TTC27: variants seen among roughly 807,000 people sequenced by gnomAD.
TTC27 encodes the protein tetratricopeptide repeat protein 27.
Under a neutral mutation model 115.9 loss-of-function variants are expected in TTC27, and 79 were observed. That is an observed-to-expected ratio of 0.68 (90% CI 0.57 to 0.82). The LOEUF (loss-of-function observed/expected upper bound fraction) is 0.82. Ranked by LOEUF, TTC27 falls within the 40% of genes least tolerant of loss-of-function variation. The pLI, the probability that TTC27 is intolerant of heterozygous loss-of-function variation, is 0.00. For missense variants in TTC27, 1,054 were observed against 993.1 expected, an observed-to-expected ratio of 1.06 and a Z score of -0.82; for synonymous variants, 401 against 356.0, an observed-to-expected ratio of 1.13 and a Z score of -1.42.
At chr2:32,818,146 T>C (rs1671568547) in intron 19 of TTC27, among the ~76,000 whole-genome samples, 1 of 152,186 alleles carries the variant, frequency 6.6e-6, no homozygotes, top group Admixed American at 6.5e-5. Flanking sequence ...CTCTTGTATT[T>C]ATTGTCATTT....
Position 32,666,518 on chromosome 2 carries a change from A to T in TTC27, c.806-117A>T, listed in dbSNP as rs989467641. On this transcript the variant is annotated intron_variant, in intron 6 of 19. Transcript: ENST00000317907. ...TGAGGCTGGGCCTCAGGACTTTCTT[A>T]TGTGAAATGGAGAAAATACCTTGTA... 9 of 1,087,392 alleles carry T rather than the reference A, an allele frequency of 8.3e-6. 1 individual carries two copies. In the Admixed American group the frequency reaches 2.8e-4, roughly 34 times the overall value. The allele number at this position is 1,087,392 out of a possible 1,614,324, so 67.4% of individuals were successfully genotyped here.
chr2:32,690,208 G>A (rs1005433692), intron 9 of TTC27, among the ~76,000 whole-genome samples: 3 of 152,120 alleles, frequency 2.0e-5, no homozygotes, highest in Non-Finnish European at 4.4e-5. Flanking sequence ...CTTTTTTGAA[G>A]AAGCCAAGTG....
At chr2:32,745,517 A>G (rs1668794013) in intron 12 of TTC27, among the ~76,000 whole-genome samples, 1 of 152,180 alleles carries the variant, frequency 6.6e-6, no homozygotes, top group African/African-American at 2.4e-5. Flanking sequence ...AATTTTCAGA[A>G]GATCAGGGAA....
intron 13 of TTC27, among the ~76,000 whole-genome samples, chr2:32,772,816 G>C (rs772871408): frequency 2.0e-5 from 3 of 152,154 alleles, no homozygotes; most frequent in Non-Finnish European, 2.9e-5. Flanking sequence ...TGGCAATTGT[G>C]TACCTTCGAA....
intron 12 of TTC27, among the ~76,000 whole-genome samples, chr2:32,738,188 G>A (rs1383099503): frequency 6.6e-6 from 1 of 152,132 alleles, no homozygotes; most frequent in African/African-American, 2.4e-5. Context: ...GTGGCTAAAA[G>A]CATATAGCCT....
chr2:32,698,305 A>AT (rs1296991990), intron 9 of TTC27, among the ~76,000 whole-genome samples: 3 of 151,214 alleles, frequency 2.0e-5, no homozygotes, highest in Non-Finnish European at 4.4e-5. Flanking sequence ...AATTTGATAA[A>AT]TTTTTTTGTA....
At chr2:32,745,279 T>C (rs1668784552) in intron 12 of TTC27, among the ~76,000 whole-genome samples, 1 of 152,118 alleles carries the variant, frequency 6.6e-6, no homozygotes, top group Non-Finnish European at 1.5e-5. Context: ...TTCCAGGGGC[T>C]CAGATGATAT....
intron 16 of TTC27, among the ~76,000 whole-genome samples, chr2:32,798,474 C>G (rs1276599570): frequency 6.6e-6 from 1 of 151,556 alleles, no homozygotes; most frequent in Non-Finnish European, 1.5e-5. Flanking sequence ...GAGGCCGAGG[C>G]GGGCGGATCA....
At chr2:32,639,999 C>G (rs1664579278) in intron 3 of TTC27, among the ~76,000 whole-genome samples, 1 of 151,642 alleles carries the variant, frequency 6.6e-6, no homozygotes, top group Non-Finnish European at 1.5e-5. Context: ...ACTCCCATCT[C>G]AAAACAAAAA....
intron 16 of TTC27, among the ~76,000 whole-genome samples, chr2:32,791,078 T>A (rs1670518732): frequency 6.6e-6 from 1 of 152,230 alleles, no homozygotes; most frequent in Non-Finnish European, 1.5e-5. Context: ...TTATTTGTAT[T>A]TATTTCTAGA....
intron 8 of TTC27, among the ~76,000 whole-genome samples, chr2:32,673,437 G>C (rs991002094): frequency 6.6e-6 from 1 of 151,894 alleles, no homozygotes; most frequent in African/African-American, 2.4e-5. Context: ...GTGCTTTCCA[G>C]GCTGGTCTCG....
chr2:32,750,897 A>G (rs1040467028), intron 12 of TTC27, among the ~76,000 whole-genome samples: 1 of 152,158 alleles, frequency 6.6e-6, no homozygotes, highest in Non-Finnish European at 1.5e-5. Flanking sequence ...AGTTTTTTAA[A>G]TCTTAGTTTG....
intron 15 of TTC27, among the ~76,000 whole-genome samples, chr2:32,783,325 G>C (rs148533318): frequency 6.6e-6 from 1 of 152,122 alleles, no homozygotes; most frequent in Non-Finnish European, 1.5e-5. Context: ...GAAATTTGAA[G>C]GATGGATAGA....
At chr2:32,704,511 A>G (rs1360737829) in intron 10 of TTC27, among the ~76,000 whole-genome samples, 2 of 152,112 alleles carry the variant, frequency 1.3e-5, no homozygotes, top group Non-Finnish European at 2.9e-5. Flanking sequence ...TATTTTATAA[A>G]AATTTCAAAC....
intron 13 of TTC27, among the ~76,000 whole-genome samples, chr2:32,765,428 C>G (rs1293118457): frequency 6.7e-6 from 1 of 148,372 alleles, no homozygotes; most frequent in East Asian, 2.0e-4. Context: ...GTGCTGTAAA[C>G]AGAAGTATTG....
At chr2:32,706,446 T>C (rs1473557998) in intron 10 of TTC27, among the ~76,000 whole-genome samples, 2 of 152,116 alleles carry the variant, frequency 1.3e-5, no homozygotes, top group African/African-American at 4.8e-5. Flanking sequence ...ATTAATCATA[T>C]TATTTGTTGC....
At chr2:32,728,456 G>A (rs961800357) in intron 10 of TTC27, among the ~76,000 whole-genome samples, 4 of 152,110 alleles carry the variant, frequency 2.6e-5, no homozygotes, top group African/African-American at 9.7e-5. Context: ...AAAGTCTGTC[G>A]TTTCTGGGGC....
In TTC27 at chr2:32,628,341, G is replaced by C. The variant is rs1013104352; in HGVS notation, c.49G>C (p.Glu17Gln). 2 of 1,608,076 alleles carry C rather than the reference G, an allele frequency of 1.2e-6. No individual in the cohort carries two copies. Among genetic ancestry groups the C allele is most frequent in the African/African-American group, 2.7e-5 (2 of 74,850 alleles). Residue 17 changes from glutamate (E) to glutamine (Q), a missense_variant, in exon 1 of 20, where the codon GAG becomes CAG. By Grantham distance (29) the Glu-to-Gln change is conservative. Transcript: ENST00000317907. The stretch of plus-strand genomic sequence containing the variant: ...TCTGAGGGGATTCCCCACTGAGGCT[G>C]AGCGGCAGCAATGGAAACAGGAGGG... Reference protein sequence around the residue: ...AILRGFPTEAERQQWKQEGVV... With the variant: ...AILRGFPTEAQRQQWKQEGVV...
chr2:32,634,360 T>A (rs1664331384), intron 3 of TTC27, among the ~76,000 whole-genome samples: 1 of 151,980 alleles, frequency 6.6e-6, no homozygotes. Context: ...AGTGGCTGGA[T>A]TACAGCTCAC....
Sources: allele counts gnomAD v4.1 joint callset (sites outside exome capture counted in the v4.1 genomes callset), GRCh38; gene constraint gnomAD v4.1.1; transcripts MANE v1.5; gene names NCBI Gene and HGNC (gene_info 2026-07-23, HGNC 2026-07-21).